Variants in DNAH9 observed in about 807,000 individuals in gnomAD.
DNAH9 encodes dynein axonemal heavy chain 9.
DNAH9 carries 345 observed loss-of-function variants against 471.6 expected under a neutral mutation model. The ratio of observed to expected loss-of-function variants is 0.73; its 90% CI spans 0.67 to 0.80. The LOEUF (loss-of-function observed/expected upper bound fraction) is 0.80. Ranked by LOEUF, DNAH9 falls within the 30% of genes least tolerant of loss-of-function variation. DNAH9 has a pLI of 0.00. For missense variants in DNAH9, 5,407 were observed against 5,609.2 expected (o/e 0.96, Z 1.15); for synonymous variants, 2,093 against 2,123.6 (o/e 0.99, Z 0.40).
intron 19 of DNAH9, among the ~76,000 whole-genome samples, chr17:11,686,667 G>A (rs969106011): frequency 2.0e-5 from 3 of 152,170 alleles, no homozygotes; most frequent in Admixed American, 1.3e-4. Flanking sequence ...ATGCCGCAGG[G>A]TGGATGAAGT....
intron 28 of DNAH9, among the ~76,000 whole-genome samples, chr17:11,735,281 T>G (rs1251792093): frequency 6.6e-6 from 1 of 152,142 alleles, no homozygotes. Context: ...ACCCACTGAA[T>G]GCCGACAGCA....
chr17:11,598,613 G>C lies in DNAH9; in HGVS notation c.115G>C (p.Ala39Pro). 1 of 1,343,778 alleles carries C rather than the reference G, an allele frequency of 7.4e-7. No homozygotes were observed. The highest frequency in any genetic ancestry group is 1.8e-5 in the South Asian group (1 of 54,746). 83.2% of individuals were successfully genotyped at this position (1,343,778 alleles called of 1,614,324 possible). A position where few individuals can be genotyped will look rare whatever the true frequency, so the allele number is the denominator to read the frequency against. ...GTYVAMSLRP[A>P]AGAWERCAGS... Reference sequence around the variant, plus strand: ...CTACGTGGCCATGAGCCTGCGGCCGGCTGCGGGCGCCTGGGAGCGTTGCGC... The same window carrying C: ...CTACGTGGCCATGAGCCTGCGGCCGCCTGCGGGCGCCTGGGAGCGTTGCGC... Residue 39 changes from alanine (A) to proline (P), a missense_variant, in exon 1 of 69, where the codon GCT becomes CCT. By Grantham distance (27) the Ala-to-Pro change is conservative. This residue lies in a region of DNAH9 where 767 missense variants were observed against 692.5 expected (regional missense o/e 1.11). Coordinates refer to ENST00000262442, the MANE Select transcript of DNAH9 (RefSeq NM_001372.4).
intron 17 of DNAH9, among the ~76,000 whole-genome samples, chr17:11,670,613 T>C (rs1002713009): frequency 3.3e-5 from 5 of 152,132 alleles, no homozygotes; most frequent in African/African-American, 1.2e-4. Context: ...AATGGTAACA[T>C]TGAGAATTTT....
intron 31 of DNAH9, among the ~76,000 whole-genome samples, chr17:11,746,916 A>G (rs1337068235): frequency 6.6e-6 from 1 of 152,196 alleles, no homozygotes; most frequent in African/African-American, 2.4e-5. Flanking sequence ...AGAATGAAAA[A>G]CAAGAAAAAT....
chr17:11,906,056 C>T (rs1390163145), intron 61 of DNAH9, among the ~76,000 whole-genome samples: 1 of 152,146 alleles, frequency 6.6e-6, no homozygotes, highest in Non-Finnish European at 1.5e-5. Context: ...CCCCTCCACT[C>T]TGCCTCACCC....
rs147700656 is a variant in DNAH9, at chr17:11,643,353, CAT to C, written c.1902-1277_1902-1276del. On this transcript the variant is annotated intron_variant, in intron 10 of 68. Coordinates refer to ENST00000262442, the MANE Select transcript of DNAH9 (RefSeq NM_001372.4). Reference sequence around the variant, plus strand: ...AGGGGTAAGAGCTGGGAGGGACCCTCATGTAAAAACGTGAAGAAGTGGTAGTG... The same window carrying C: ...AGGGGTAAGAGCTGGGAGGGACCCTCGTAAAAACGTGAAGAAGTGGTAGTG... Among the ~76,000 whole-genome samples, 683 of 152,260 alleles carry C rather than the reference CAT, an allele frequency of 4.5e-3. 7 individuals carry two copies. The highest frequency in any genetic ancestry group is 9.5e-3 in the South Asian group (46 of 4,820).
intron 67 of DNAH9, among the ~76,000 whole-genome samples, chr17:11,951,039 A>G (rs1264376796): frequency 6.6e-6 from 1 of 152,216 alleles, no homozygotes; most frequent in Non-Finnish European, 1.5e-5. Context: ...CTCACAGGAC[A>G]GACGACATTC....
intron 67 of DNAH9, among the ~76,000 whole-genome samples, chr17:11,952,139 C>CT (rs71142258): frequency 0.19 from 19,870 of 101,898 alleles, 1,905 homozygotes; most frequent in Admixed American, 0.22. Context: ...AGCTATATTA[C>CT]TTTTTTTTTT....
Position 11,797,783 on chromosome 17 carries a change from A to G in DNAH9, c.8410A>G (p.Met2804Val), listed in dbSNP as rs1238162084. Residue 2804 changes from methionine (M) to valine (V), a missense_variant, in exon 43 of 69, where the codon ATG becomes GTG. Coordinates refer to ENST00000262442, the MANE Select transcript of DNAH9 (RefSeq NM_001372.4). ...GGACCTAGTTCTCTTTGAGGATGCC[A>G]TGCGCCATGTGTAAGTGTGCTTCTC... The part of the protein sequence containing the change: ...VMDLVLFEDA[M>V]RHVCHINRIL... The G allele has an allele frequency of 1.2e-6, 2 of 1,613,758 alleles. No homozygotes were observed. The highest frequency in any genetic ancestry group is 1.1e-5 in the South Asian group (1 of 91,008).
intron 55 of DNAH9, 77 bp from the exon 56 acceptor site, chr17:11,883,509 C>T (rs902501019): frequency 1.2e-5 from 19 of 1,527,098 alleles, no homozygotes; most frequent in East Asian, 4.5e-5. Context: ...AAGGGACTCT[C>T]GCCCTATTCA....
At chr17:11,853,026 G>A (rs903408896) in intron 49 of DNAH9, among the ~76,000 whole-genome samples, 22 of 151,196 alleles carry the variant, frequency 1.5e-4, no homozygotes, top group Non-Finnish European at 2.2e-4. Context: ...TTCAGCAAAT[G>A]CCTGAATGGT....
intron 59 of DNAH9, among the ~76,000 whole-genome samples, chr17:11,897,362 TAAAAC>T (rs1188165998): frequency 6.6e-6 from 1 of 152,168 alleles, no homozygotes; most frequent in Admixed American, 6.5e-5. Context: ...TTCCAATTAA[TAAAAC>T]AAGTCCTATT....
intron 49 of DNAH9, among the ~76,000 whole-genome samples, chr17:11,852,800 A>ATGTGTG (rs1971469546): frequency 1.7e-5 from 1 of 57,410 alleles, no homozygotes; most frequent in Non-Finnish European, 3.8e-5. Flanking sequence ...ATATATAAGA[A>ATGTGTG]AGTGTGTGTG....
intron 62 of DNAH9, among the ~76,000 whole-genome samples, chr17:11,924,772 T>C (rs976373892): frequency 9.2e-5 from 14 of 151,896 alleles, no homozygotes; most frequent in African/African-American, 2.9e-4. Context: ...TACAGGAGCG[T>C]ACCACCACGC....
chr17:11,776,062 CT>C (rs1968419379), intron 38 of DNAH9, among the ~76,000 whole-genome samples: 1 of 152,154 alleles, frequency 6.6e-6, no homozygotes, highest in Non-Finnish European at 1.5e-5. Flanking sequence ...ATAGCACACA[CT>C]TTAATGTTTA....
chr17:11,648,181 C>T (rs894223168), intron 12 of DNAH9, among the ~76,000 whole-genome samples: 5 of 152,176 alleles, frequency 3.3e-5, no homozygotes, highest in Non-Finnish European at 7.3e-5. Flanking sequence ...GCCTTGATGG[C>T]GTATGCTCCA....
At position 11,874,956 on chromosome 17, in the gene DNAH9, T is replaced by G. The variant is rs141082617; in HGVS notation, c.10250T>G (p.Ile3417Ser). 6.4e-4 allele frequency: 1,029 copies of G among 1,613,416 alleles called. 4 individuals are homozygous for G. The African/African-American group carries it at 0.012, about 18-fold the overall frequency. The change falls in exon 53 of 69, where the codon ATT becomes AGT. Residue 3417 changes from isoleucine to serine, a missense_variant. By Grantham distance (142) the Ile-to-Ser change is moderately radical (BLOSUM62 -2). This residue lies in a region of DNAH9 where 4,636 missense variants were observed against 4,900.3 expected (regional missense o/e 0.95). Coordinates refer to ENST00000262442, the MANE Select transcript of DNAH9 (RefSeq NM_001372.4). Reference protein sequence around the residue: ...RPYLSQLKTPIPVTPALDPLR... With the variant: ...RPYLSQLKTPSPVTPALDPLR... ...GTGTTTCTTCTTCACCAGACTCCCA[T>G]TCCAGTCACCCCAGCCCTGGATCCC...
At chr17:11,954,322 C>T (rs1003083501) in intron 67 of DNAH9, among the ~76,000 whole-genome samples, 24 of 151,966 alleles carry the variant, frequency 1.6e-4, no homozygotes, top group Non-Finnish European at 3.2e-4. Context: ...CCTATAGGTA[C>T]AAGAAGCTCA....
intron 6 of DNAH9, among the ~76,000 whole-genome samples, chr17:11,627,791 G>C (rs927714187): frequency 1.3e-5 from 2 of 152,078 alleles, no homozygotes; most frequent in African/African-American, 4.8e-5. Context: ...GCAAAAACAG[G>C]CTTGTTAGAT....
Sources: allele counts gnomAD v4.1 joint callset (sites outside exome capture counted in the v4.1 genomes callset), GRCh38; gene constraint gnomAD v4.1.1; regional missense constraint gnomAD v4.1.1; transcripts MANE v1.5; gene names NCBI Gene and HGNC (gene_info 2026-07-23, HGNC 2026-07-21).